The following ABCC12 variants were observed in gnomAD, a reference collection of about 807,000 sequenced individuals.
ABCC12 encodes ATP-binding cassette sub-family C member 12.
A neutral mutation model predicts 151.1 loss-of-function variants in ABCC12; 142 were observed. That is an observed-to-expected ratio of 0.94 (90% CI 0.82 to 1.08). The LOEUF (loss-of-function observed/expected upper bound fraction) is 1.08, where lower values mean the gene tolerates loss of function less well. ABCC12 is among the 50% of genes least tolerant of loss of function. ABCC12 has a pLI of 0.00. For synonymous variants in ABCC12, 645 were observed against 646.4 expected (o/e 1.00, Z 0.03); for missense variants, 1,638 against 1,691.1 (o/e 0.97, Z 0.55).
intron 15 of ABCC12, among the ~76,000 whole-genome samples, chr16:48,115,070 G>C (rs1402669360): frequency 1.3e-5 from 2 of 152,172 alleles, no homozygotes; most frequent in Non-Finnish European, 2.9e-5. Flanking sequence ...TGGAGTAAGG[G>C]TGGGGCCGTC....
intron 2 of ABCC12, among the ~76,000 whole-genome samples, chr16:48,150,210 C>T (rs1225832572): frequency 6.6e-6 from 1 of 152,152 alleles, no homozygotes; most frequent in Non-Finnish European, 1.5e-5. Context: ...TTCTCTCATA[C>T]TGGTGTCAAC....
chr16:48,095,295 G>A (rs1963057478), intron 24 of ABCC12, among the ~76,000 whole-genome samples: 1 of 152,122 alleles, frequency 6.6e-6, no homozygotes, highest in South Asian at 2.1e-4. Flanking sequence ...CTGCCACCAA[G>A]TAAGACGTGC....
intron 13 of ABCC12, among the ~76,000 whole-genome samples, chr16:48,119,161 C>T (rs141053616): frequency 1.3e-5 from 2 of 152,316 alleles, no homozygotes; most frequent in African/African-American, 4.8e-5. Context: ...ATGAAGGATG[C>T]TAGATCCATC....
chr16:48,111,745 T>A (rs775686482), intron 16 of ABCC12, 31 bp downstream of exon 16: 1 of 1,614,012 alleles, frequency 6.2e-7, no homozygotes, highest in Non-Finnish European at 8.5e-7. Context: ...TCCGCCCCAA[T>A]TGTTCCCACA....
At chr16:48,091,379 T>A in intron 24 of ABCC12, 170 bp from the exon 25 acceptor site, 1 of 624,390 alleles carries the variant, frequency 1.6e-6, no homozygotes, top group Non-Finnish European at 2.9e-6. Context: ...AAGATATTCC[T>A]GTTCGGGTGT....
chr16:48,141,082 C>T, intron 5 of ABCC12, 124 bp downstream of exon 5: 1 of 1,440,182 alleles, frequency 6.9e-7, no homozygotes, highest in African/African-American at 1.4e-5. Flanking sequence ...TGAAAATTCG[C>T]CCCCAAGGAG....
chr16:48,141,180 T>G (rs1188323423), intron 5 of ABCC12, 26 bp downstream of exon 5: 1 of 1,609,722 alleles, frequency 6.2e-7, no homozygotes, highest in Non-Finnish European at 8.5e-7. Flanking sequence ...ACCTAGCAGA[T>G]GAGGAGGAAG....
At chr16:48,143,762 C>T in intron 4 of ABCC12, 148 bp downstream of exon 4, 2 of 1,040,220 alleles carry the variant, frequency 1.9e-6, no homozygotes, top group South Asian at 1.7e-5. Flanking sequence ...TCCTCCTTCA[C>T]CTTCCACCAT....
At chr16:48,105,749 G>A (rs1015547753) in intron 20 of ABCC12, among the ~76,000 whole-genome samples, 3 of 152,198 alleles carry the variant, frequency 2.0e-5, no homozygotes, top group Non-Finnish European at 4.4e-5. Flanking sequence ...TAGAGGATCA[G>A]GAACTGACCT....
At position 48,088,064 on chromosome 16, in the gene ABCC12, G is replaced by A; in HGVS notation, c.3497C>T (p.Ala1166Val). 2 of 1,613,986 alleles carry A rather than the reference G, an allele frequency of 1.2e-6. No individual in the cohort carries two copies. Among genetic ancestry groups the A allele is most frequent in the Non-Finnish European group, 1.7e-6 (2 of 1,179,950 alleles). Residue 1166 changes from alanine to valine, a missense_variant, in exon 27 of 31, where the codon GCT becomes GTT. Ala to Val is a moderately conservative substitution (Grantham distance 64). Transcript: ENST00000311303. ...TGSGKSSLGM[A>V]LFRLVEPASG... ...GGCTGGCTCCACCAGACGAAACAAA[G>A]CCATTCCTAACGATGACTTTCCTGG...
intron 28 of ABCC12, 42 bp from the exon 29 acceptor site, chr16:48,085,748 T>A: frequency 5.9e-6 from 9 of 1,518,844 alleles, no homozygotes; most frequent in Non-Finnish European, 8.2e-6. Context: ...TGATGATCTA[T>A]AAAATTGTCC....
chr16:48,139,290 G>T lies in ABCC12; in HGVS notation c.704C>A (p.Ala235Asp). The change falls in exon 7 of 31, where the codon GCC becomes GAC. Residue 235 changes from alanine (A) to aspartate (D), a missense_variant. Coordinates refer to ENST00000311303, the MANE Select transcript of ABCC12 (RefSeq NM_001393797.1). ...GGTGGCTGGCAAAGGACAAAACAAG[G>T]CAGCTTCAAACAAAGAATAGCTATC... is the stretch of plus-strand genomic sequence containing the variant. ...SSDSYSLFEA[A>D]LFCPLPATIP... The T allele has an allele frequency of 1.2e-6, 2 of 1,613,908 alleles. No individual in the cohort carries two copies. The highest frequency in any genetic ancestry group is 1.7e-6 in the Non-Finnish European group (2 of 1,179,954).
chr16:48,118,174 G>A (rs1963952690), intron 13 of ABCC12, among the ~76,000 whole-genome samples: 1 of 152,166 alleles, frequency 6.6e-6, no homozygotes, highest in South Asian at 2.1e-4. Flanking sequence ...GCATGACCCC[G>A]CTCTGCCCCA....
intron 24 of ABCC12, among the ~76,000 whole-genome samples, chr16:48,092,569 T>A (rs1962944662): frequency 6.6e-6 from 1 of 152,116 alleles, no homozygotes; most frequent in Non-Finnish European, 1.5e-5. Context: ...CAGGGCCATC[T>A]CATGCATTAG....
chr16:48,115,771 G>T (rs905359364), intron 14 of ABCC12, among the ~76,000 whole-genome samples, 153 bp from the exon 15 acceptor site: 1 of 152,178 alleles, frequency 6.6e-6, no homozygotes, highest in Non-Finnish European at 1.5e-5. Context: ...AGGGCCCCCG[G>T]TCACACGAGA....
In ABCC12 at chr16:48,128,667, A is replaced by G; in HGVS notation, c.1307T>C (p.Leu436Ser). The G allele has an allele frequency of 2.5e-6, 4 of 1,614,214 alleles. No individual in the cohort carries two copies. Among genetic ancestry groups the G allele is most frequent in the Non-Finnish European group, 2.5e-6 (3 of 1,180,038 alleles). Residue 436 changes from leucine to serine, a missense_variant, in exon 11 of 31, where the codon TTA becomes TCA. Leu to Ser is a moderately radical substitution (Grantham distance 145). Transcript: ENST00000311303. ...CTCCCATGTCAAGGTGGCATTTGCT[A>G]AAAGCAAGACAGTATCTGGGTCTTC... ...QPEDPDTVLL[L>S]ANATLTWEHE...
At position 48,084,086 on chromosome 16, in the gene ABCC12, A is replaced by G; in HGVS notation, c.3829-13T>C. ...CAAGGAGAATGATCTGTGGAGGAGGAAACATTATAAGCCAAAGGCGCACTG... is the reference window on the plus strand; with the variant it reads ...CAAGGAGAATGATCTGTGGAGGAGGGAACATTATAAGCCAAAGGCGCACTG... On this transcript the variant is annotated splice_polypyrimidine_tract_variant and intron_variant, in intron 29 of 30. Coordinates refer to ENST00000311303, the MANE Select transcript of ABCC12 (RefSeq NM_001393797.1). 1 of 1,598,832 alleles carries G rather than the reference A, an allele frequency of 6.3e-7. No individual in the cohort carries two copies. Among genetic ancestry groups the G allele is most frequent in the African/African-American group, 1.3e-5 (1 of 74,228 alleles).
intron 8 of ABCC12, among the ~76,000 whole-genome samples, chr16:48,136,028 A>G (rs2150665046): frequency 6.6e-6 from 1 of 152,022 alleles, no homozygotes; most frequent in East Asian, 1.9e-4. Flanking sequence ...CGTCCTCACC[A>G]CTGCATGATG....
intron 8 of ABCC12, among the ~76,000 whole-genome samples, chr16:48,137,831 C>T (rs1399137945): frequency 6.6e-6 from 1 of 152,178 alleles, no homozygotes; most frequent in Non-Finnish European, 1.5e-5. Context: ...AACACAAGGA[C>T]GCTGCTGCAG....
Sources: gnomAD v4.1 joint callset for allele counts (sites outside exome capture counted in the v4.1 genomes callset) on GRCh38, gnomAD v4.1.1 for gene constraint, MANE v1.5 for transcripts, NCBI Gene and HGNC (gene_info 2026-07-23, HGNC 2026-07-21) for gene names.